Variants in BRINP3 observed in about 807,000 individuals in gnomAD.
BRINP3 encodes BMP/retinoic acid-inducible neural-specific protein 3.
BRINP3 carries 19 observed loss-of-function variants against 71.0 expected under a neutral mutation model. The ratio of observed to expected loss-of-function variants is 0.27; its 90% confidence interval spans 0.19 to 0.39. The LOEUF (loss-of-function observed/expected upper bound fraction) is 0.39, where lower values mean the gene tolerates loss of function less well. Among genes scored for constraint, BRINP3 ranks in the 10% least tolerant of loss-of-function variants. The pLI, the probability that BRINP3 is intolerant of heterozygous loss-of-function variation, is 1.00. For synonymous variants in BRINP3, 380 were observed against 337.7 expected (o/e 1.13, Z -1.37); for missense variants, 959 against 940.8 (o/e 1.02, Z -0.25).
intron 2 of BRINP3, among the ~76,000 whole-genome samples, chr1:190,396,209 A>G (rs1430550955): frequency 6.6e-6 from 1 of 151,956 alleles, no homozygotes; most frequent in Non-Finnish European, 1.5e-5. Flanking sequence ...TAATGCTGGA[A>G]TTGAAATCCA....
intron 4 of BRINP3, among the ~76,000 whole-genome samples, chr1:190,255,284 G>A (rs1175787190): frequency 6.7e-6 from 1 of 149,414 alleles, no homozygotes; most frequent in African/African-American, 2.5e-5. Context: ...GTATCAGGAT[G>A]ATGCTGGCCT....
chr1:190,419,845 A>G (rs1673253393), intron 2 of BRINP3, among the ~76,000 whole-genome samples: 2 of 150,640 alleles, frequency 1.3e-5, no homozygotes, highest in Non-Finnish European at 3.0e-5. Flanking sequence ...ACTAGAAGAA[A>G]AAAAGAATCC....
At chr1:190,379,820 A>G (rs1670424097) in intron 2 of BRINP3, among the ~76,000 whole-genome samples, 1 of 151,894 alleles carries the variant, frequency 6.6e-6, no homozygotes, top group Non-Finnish European at 1.5e-5. Flanking sequence ...CAACATGGTG[A>G]AACCCCATCT....
At chr1:190,225,404 C>T (rs1032732618) in intron 6 of BRINP3, among the ~76,000 whole-genome samples, 8 of 151,658 alleles carry the variant, frequency 5.3e-5, no homozygotes, top group African/African-American at 1.9e-4. Flanking sequence ...CCACATGTTC[C>T]CACTCATATG....
At chr1:190,432,094 C>A (rs969634789) in intron 2 of BRINP3, among the ~76,000 whole-genome samples, 2 of 151,936 alleles carry the variant, frequency 1.3e-5, no homozygotes, top group African/African-American at 2.4e-5. Flanking sequence ...TAGAAATAAA[C>A]AAAACTGCAA....
At chr1:190,300,103 C>T (rs2102992742) in intron 2 of BRINP3, among the ~76,000 whole-genome samples, 1 of 152,208 alleles carries the variant, frequency 6.6e-6, no homozygotes, top group Non-Finnish European at 1.5e-5. Context: ...GCCTGCCTTG[C>T]TAGATTGTGG....
At chr1:190,309,792 T>G (rs1390044477) in intron 2 of BRINP3, among the ~76,000 whole-genome samples, 1 of 151,742 alleles carries the variant, frequency 6.6e-6, no homozygotes, top group Non-Finnish European at 1.5e-5. Context: ...TTTCCAGGAG[T>G]GTACACCACT....
intron 2 of BRINP3, among the ~76,000 whole-genome samples, chr1:190,317,823 T>A (rs1665986362): frequency 6.6e-6 from 1 of 152,120 alleles, no homozygotes; most frequent in South Asian, 2.1e-4. Flanking sequence ...CTCTACTAGT[T>A]TGAATGAGTA....
chr1:190,175,451 A>G (rs1396007432), intron 6 of BRINP3, among the ~76,000 whole-genome samples: 2 of 152,178 alleles, frequency 1.3e-5, no homozygotes, highest in Non-Finnish European at 2.9e-5. Context: ...GAGTTTTAGT[A>G]GTTCACAATA....
intron 7 of BRINP3, among the ~76,000 whole-genome samples, chr1:190,115,249 A>G (rs1293559886): frequency 1.3e-5 from 2 of 152,158 alleles, no homozygotes; most frequent in Non-Finnish European, 2.9e-5. Context: ...CCTATATTCA[A>G]TTTAGAGAAG....
At chr1:190,166,789 T>C (rs1651581118) in intron 6 of BRINP3, among the ~76,000 whole-genome samples, 1 of 152,100 alleles carries the variant, frequency 6.6e-6, no homozygotes, top group Admixed American at 6.6e-5. Flanking sequence ...AGTGGGATGA[T>C]TTCTGCTCAC....
intron 7 of BRINP3, among the ~76,000 whole-genome samples, chr1:190,120,562 C>T (rs1464735339): frequency 1.3e-5 from 2 of 152,016 alleles, no homozygotes; most frequent in African/African-American, 4.8e-5. Context: ...GTGGTGCAAT[C>T]TTGGCTCACT....
intron 2 of BRINP3, among the ~76,000 whole-genome samples, chr1:190,412,074 G>A (rs190932942): frequency 7.9e-5 from 12 of 152,058 alleles, no homozygotes; most frequent in Admixed American, 7.9e-4. Flanking sequence ...TGAAATCTGG[G>A]ATTGAATATT....
intron 2 of BRINP3, among the ~76,000 whole-genome samples, chr1:190,344,087 T>A (rs1166492055): frequency 6.6e-6 from 1 of 151,838 alleles, no homozygotes; most frequent in Admixed American, 6.6e-5. Flanking sequence ...GAACTATGTT[T>A]ATTCACCAAG....
chr1:190,390,356 T>C (rs1474695893), intron 2 of BRINP3, among the ~76,000 whole-genome samples: 1 of 151,730 alleles, frequency 6.6e-6, no homozygotes, highest in Admixed American at 6.6e-5. Flanking sequence ...ATATTGGTAA[T>C]GACAATGTCT....
At chr1:190,463,490 A>G (rs1209404706) in intron 1 of BRINP3, among the ~76,000 whole-genome samples, 1 of 151,838 alleles carries the variant, frequency 6.6e-6, no homozygotes, top group Non-Finnish European at 1.5e-5. Flanking sequence ...GGGTACAAAA[A>G]AAAAGTTTTA....
At chr1:190,252,230 G>A (rs192530697) in intron 4 of BRINP3, among the ~76,000 whole-genome samples, 210 of 152,158 alleles carry the variant, frequency 1.4e-3, no homozygotes, top group African/African-American at 4.7e-3. Context: ...TTCAAAATGA[G>A]AGAGATTCTG....
rs560838216 is a variant in BRINP3 at position 190,363,871 on chromosome 1, G to A, written c.237-82121C>T. On this transcript the variant is annotated intron_variant, in intron 2 of 7. Transcript: ENST00000367462. ...CCCAGATTTCTACTTTGGATGTCCC[G>A]AATGATGGGCTGCAACTTTCAATGG... 3.9e-5 allele frequency among the ~76,000 whole-genome samples: 6 copies of A among 152,090 alleles called. No individual in the cohort carries two copies. In the South Asian group the frequency reaches 6.2e-4, roughly 16 times the overall value.
At chr1:190,231,332 C>A (rs1346395870) in intron 5 of BRINP3, among the ~76,000 whole-genome samples, 1 of 151,630 alleles carries the variant, frequency 6.6e-6, no homozygotes, top group Non-Finnish European at 1.5e-5. Flanking sequence ...TTATTATAAG[C>A]CAAAACACTC....
Sources: gnomAD v4.1 joint callset for allele counts (sites outside exome capture counted in the v4.1 genomes callset) on GRCh38, gnomAD v4.1.1 for gene constraint, MANE v1.5 for transcripts, NCBI Gene and HGNC (gene_info 2026-07-23, HGNC 2026-07-21) for gene names.